The following NPLOC4 variants were observed in gnomAD, a reference collection of about 807,000 sequenced individuals.
NPLOC4 encodes NPL4 homolog, ubiquitin recognition factor, also known as nuclear protein localization protein 4 homolog.
A neutral mutation model predicts 80.6 loss-of-function variants in NPLOC4; 18 were observed. The observed-to-expected ratio is 0.22, with a 90% CI of 0.15 to 0.33. The LOEUF (loss-of-function observed/expected upper bound fraction) is 0.33. NPLOC4 is among the 10% of genes least tolerant of loss of function. The probability of loss-of-function intolerance (pLI) is 1.00; values close to 1 mark genes in which losing one functional copy is unlikely to be tolerated. For synonymous variants in NPLOC4, 313 were observed against 301.5 expected, an observed-to-expected ratio of 1.04 and a Z score of -0.39; for missense variants, 540 against 786.1, an observed-to-expected ratio of 0.69 and a Z score of 3.74.
At chr17:81,615,704 G>A (rs948981844) in intron 3 of NPLOC4, among the ~76,000 whole-genome samples, 1 of 152,210 alleles carries the variant, frequency 6.6e-6, no homozygotes, top group Non-Finnish European at 1.5e-5. Context: ...TCCCTGCCCA[G>A]AGGGGGCAGC....
At chr17:81,566,341 T>A (rs998668576) in intron 15 of NPLOC4, 3 of 152,042 alleles carry the variant, frequency 2.0e-5, no homozygotes, top group Non-Finnish European at 2.9e-5. Context: ...TAAAAAAAAA[T>A]AATTCATATA....
chr17:81,572,038 A>G lies in NPLOC4; in HGVS notation c.1332T>C (p.Pro444=). The change falls in exon 13 of 17, where the codon CCT becomes CCC. Residue 444 remains proline, a synonymous_variant. Coordinates refer to ENST00000331134, the MANE Select transcript of NPLOC4 (RefSeq NM_017921.4). This position sits in a 1 kb window ranked among gnomAD's most constrained non-coding sequence, Gnocchi z 4.5. ...NEITQLARPL[P]VEYLIIDITT... is the part of the protein sequence containing the mutation. ...TTACGTCTATGATGAGATACTCCAC[A>G]GGCAGGGGCCGGGCCAGCTGGGTGA... 6.2e-7 allele frequency: 1 copy of G among 1,605,036 alleles called. No individual in the cohort carries two copies.
chr17:81,588,866 G>A, intron 12 of NPLOC4, 78 bp downstream of exon 12: 1 of 1,295,976 alleles, frequency 7.7e-7, no homozygotes, highest in South Asian at 1.4e-5. Flanking sequence ...TAGGCAGAAT[G>A]CACCCAAATT....
At chr17:81,568,592 CG>C (rs2034075699) in intron 14 of NPLOC4, among the ~76,000 whole-genome samples, 1 of 152,178 alleles carries the variant, frequency 6.6e-6, no homozygotes, top group Admixed American at 6.5e-5. Context: ...GAGGCCAACA[CG>C]GGAGCCACGC....
At chr17:81,559,489 G>C (rs547385419) in intron 16 of NPLOC4, 73 bp from the exon 17 acceptor site, 1 of 1,478,460 alleles carries the variant, frequency 6.8e-7, no homozygotes, top group Non-Finnish European at 9.1e-7. Flanking sequence ...GGGCATGGGG[G>C]CAGGGGCAGG....
At chr17:81,604,842 C>G in intron 7 of NPLOC4, 115 bp from the exon 8 acceptor site, 1 of 953,880 alleles carries the variant, frequency 1.0e-6, no homozygotes, top group South Asian at 1.7e-5. Flanking sequence ...AAAAACAAAC[C>G]AATAGGGTGT....
At chr17:81,621,810 C>T (rs2035675855) in intron 3 of NPLOC4, among the ~76,000 whole-genome samples, 1 of 152,172 alleles carries the variant, frequency 6.6e-6, no homozygotes. Flanking sequence ...CCTACCCAAG[C>T]CAGCAGGGCT....
chr17:81,619,218 A>C (rs1375022522), intron 3 of NPLOC4, among the ~76,000 whole-genome samples: 44 of 142,252 alleles, frequency 3.1e-4, no homozygotes, highest in Admixed American at 8.5e-4. Flanking sequence ...AAAAAAAAAA[A>C]CACAAAAAAT....
At position 81,629,709 on chromosome 17, in the gene NPLOC4, C is replaced by A; in HGVS notation, c.96+16G>T. The A allele has an allele frequency of 1.9e-6, 3 of 1,592,058 alleles. No individual in the cohort carries two copies. The highest frequency in any genetic ancestry group is 2.6e-6 in the Non-Finnish European group (3 of 1,160,110). On this transcript the variant is annotated intron_variant, in intron 2 of 16. Transcript: ENST00000331134. ...ATGAAAAATATCCTGAGGGTCAATA[C>A]CCAGGCCACAGATACCTTTTTCAAA...
chr17:81,589,221 G>A (rs981487068), intron 11 of NPLOC4, 117 bp from the exon 12 acceptor site: 6 of 902,344 alleles, frequency 6.6e-6, no homozygotes, highest in South Asian at 1.9e-5. Context: ...GTTTGTCGGG[G>A]GTAAGAGTTA....
At chr17:81,610,153 G>A in intron 5 of NPLOC4, 57 bp downstream of exon 5, 2 of 1,490,448 alleles carry the variant, frequency 1.3e-6, no homozygotes, top group Non-Finnish European at 1.8e-6. Context: ...ACTTAAGACA[G>A]CTGTCTACCC....
At chr17:81,603,698 T>C (rs928820834) in intron 8 of NPLOC4, among the ~76,000 whole-genome samples, 3 of 152,198 alleles carry the variant, frequency 2.0e-5, no homozygotes, top group African/African-American at 7.2e-5. Flanking sequence ...CCATGAACAT[T>C]TCCTATGCAC....
At chr17:81,615,729 C>G (rs1300976385) in intron 3 of NPLOC4, among the ~76,000 whole-genome samples, 1 of 152,200 alleles carries the variant, frequency 6.6e-6, no homozygotes, top group Non-Finnish European at 1.5e-5. Context: ...TCCGAAACTT[C>G]CACATAAATG....
chr17:81,580,731 C>A lies in NPLOC4; in HGVS notation c.1281+8213G>T, dbSNP rs1403522015. On this transcript the variant is annotated intron_variant, in intron 12 of 16. Coordinates refer to ENST00000331134, the MANE Select transcript of NPLOC4 (RefSeq NM_017921.4). The surrounding 1 kb of genome is among the most constrained non-coding windows in gnomAD (Gnocchi z 4.4). ...CCCTGCTGCAGCAGTCTCCCCGATG[C>A]AGGGAGCCCTTCTCCATTCTCCATG... Among the ~76,000 whole-genome samples, 2 of 152,268 alleles carry A rather than the reference C, an allele frequency of 1.3e-5. No individual in the cohort carries two copies. The highest frequency in any genetic ancestry group is 4.8e-5 in the African/African-American group (2 of 41,474).
chr17:81,623,356 T>C (rs1744014553), intron 2 of NPLOC4, among the ~76,000 whole-genome samples: 1 of 149,116 alleles, frequency 6.7e-6, no homozygotes, highest in South Asian at 2.1e-4. Context: ...TAATCCCAGC[T>C]ACCCGGGAGG....
At chr17:81,587,630 T>TAAAAAAAA (rs57639613) in intron 12 of NPLOC4, among the ~76,000 whole-genome samples, 8,550 of 101,564 alleles carry the variant, frequency 0.084, 440 homozygotes, top group Admixed American at 0.12. Flanking sequence ...CCTGTCTCTT[T>TAAAAAAAA]AAAAAAAAAA....
At chr17:81,587,674 G>GTTTTTTT (rs34643456) in intron 12 of NPLOC4, among the ~76,000 whole-genome samples, 1 of 93,414 alleles carries the variant, frequency 1.1e-5, no homozygotes, top group African/African-American at 4.3e-5. Context: ...GAAAAAAGTT[G>GTTTTTTT]TTTTTTTTTT....
intron 2 of NPLOC4, among the ~76,000 whole-genome samples, chr17:81,629,153 C>G (rs1043184621): frequency 6.7e-6 from 1 of 149,978 alleles, no homozygotes; most frequent in Non-Finnish European, 1.5e-5. Context: ...GCTGCGATTA[C>G]AGGCGTCAGC....
chr17:81,607,393 CAAAAA>C (rs1158799161), intron 6 of NPLOC4, among the ~76,000 whole-genome samples: 2,533 of 77,874 alleles, frequency 0.033, 66 homozygotes, highest in African/African-American at 0.11. Context: ...ATATAACTGA[CAAAAA>C]AAAAAAAAAA....
Sources: gnomAD v4.1 joint callset for allele counts (sites outside exome capture counted in the v4.1 genomes callset) on GRCh38, gnomAD v4.1.1 for gene constraint, Gnocchi (gnomAD v3.1) non-coding constraint, MANE v1.5 for transcripts, NCBI Gene and HGNC (gene_info 2026-07-23, HGNC 2026-07-21) for gene names.